Variants in GRM7 observed in about 807,000 individuals in gnomAD.
GRM7 encodes the protein metabotropic glutamate receptor 7.
Under a neutral mutation model 84.5 loss-of-function variants are expected in GRM7, and 35 were observed. The observed-to-expected ratio is 0.41, with a 90% CI of 0.32 to 0.55. GRM7 has a LOEUF of 0.55. Among genes scored for constraint, GRM7 ranks in the 20% least tolerant of loss-of-function variants. The pLI, the probability that GRM7 is intolerant of heterozygous loss-of-function variation, is 0.19. For synonymous variants in GRM7, 487 were observed against 455.1 expected (o/e 1.07, Z -0.89); for missense variants, 1,003 against 1,194.6 (o/e 0.84, Z 2.36).
intron 9 of GRM7, among the ~76,000 whole-genome samples, chr3:7,718,274 A>T (rs1701833592): frequency 6.6e-6 from 1 of 152,192 alleles, no homozygotes; most frequent in African/African-American, 2.4e-5. Context: ...TTCATCAACC[A>T]TGCAATATAA....
intron 2 of GRM7, among the ~76,000 whole-genome samples, chr3:7,173,634 A>G (rs1695055086): frequency 6.6e-6 from 1 of 152,114 alleles, no homozygotes; most frequent in Non-Finnish European, 1.5e-5. Flanking sequence ...TTCCTCAAAT[A>G]CATGCTGATG....
chr3:7,655,458 C>T (rs1272947066), intron 8 of GRM7, among the ~76,000 whole-genome samples: 4 of 152,130 alleles, frequency 2.6e-5, no homozygotes, highest in South Asian at 4.1e-4. Context: ...ACCATGAATC[C>T]AAATCATATC....
intron 9 of GRM7, among the ~76,000 whole-genome samples, chr3:7,723,904 T>G (rs192541389): frequency 6.6e-6 from 1 of 152,190 alleles, no homozygotes; most frequent in East Asian, 1.9e-4. Flanking sequence ...CTAAAATAAT[T>G]TAAGTAGTCT....
chr3:7,713,520 G>A (rs1420129787), intron 9 of GRM7, among the ~76,000 whole-genome samples: 3 of 151,926 alleles, frequency 2.0e-5, no homozygotes, highest in South Asian at 2.1e-4. Flanking sequence ...TTAAGAGTTC[G>A]GAGCTCTAGA....
intron 2 of GRM7, among the ~76,000 whole-genome samples, chr3:7,191,394 A>T (rs1028155): frequency 0.35 from 52,924 of 151,846 alleles, 9,659 homozygotes; most frequent in African/African-American, 0.45. Flanking sequence ...CATCACCGTT[A>T]GTAGAAATCC....
At chr3:7,065,766 T>C (rs1314651503) in intron 1 of GRM7, among the ~76,000 whole-genome samples, 1 of 151,890 alleles carries the variant, frequency 6.6e-6, no homozygotes, top group Non-Finnish European at 1.5e-5. Flanking sequence ...ATTGAATTTG[T>C]AGATCACTTT....
At chr3:7,455,283 T>A (rs1441558019) in intron 6 of GRM7, among the ~76,000 whole-genome samples, 1 of 152,198 alleles carries the variant, frequency 6.6e-6, no homozygotes, top group African/African-American at 2.4e-5. Context: ...AGTAGTAATT[T>A]TTTTAGGCAA....
At chr3:6,884,041 C>T (rs546718884) in intron 1 of GRM7, among the ~76,000 whole-genome samples, 2 of 152,310 alleles carry the variant, frequency 1.3e-5, no homozygotes, top group Admixed American at 6.5e-5. Context: ...AGTGAGATGA[C>T]ATTTAGTCCT....
chr3:7,427,724 C>A (rs546596032), intron 5 of GRM7, among the ~76,000 whole-genome samples: 1 of 152,140 alleles, frequency 6.6e-6, no homozygotes, highest in African/African-American at 2.4e-5. Flanking sequence ...AGGTAAAACC[C>A]CAATTGATCT....
chr3:7,572,702 G>A (rs1694733565), intron 7 of GRM7, among the ~76,000 whole-genome samples: 2 of 149,850 alleles, frequency 1.3e-5, no homozygotes, highest in African/African-American at 4.9e-5. Context: ...GGTGCCTGTA[G>A]TCCTAGCTAC....
intron 1 of GRM7, among the ~76,000 whole-genome samples, chr3:6,870,394 G>T (rs558149686): frequency 1.2e-3 from 179 of 152,316 alleles, no homozygotes; most frequent in African/African-American, 4.2e-3. Flanking sequence ...GGCCTGGCAT[G>T]TTAGAAGAAT....
intron 9 of GRM7, among the ~76,000 whole-genome samples, chr3:7,724,315 C>T (rs1575671535): frequency 6.6e-6 from 1 of 152,266 alleles, no homozygotes; most frequent in East Asian, 1.9e-4. Flanking sequence ...CAGCCATAAC[C>T]GATTTCTAGT....
At chr3:7,029,329 A>C (rs60841253) in intron 1 of GRM7, among the ~76,000 whole-genome samples, 1 of 113,734 alleles carries the variant, frequency 8.8e-6, no homozygotes, top group Non-Finnish European at 2.0e-5. Flanking sequence ...AAAAAAAAAC[A>C]AACAAAAAAA....
intron 1 of GRM7, among the ~76,000 whole-genome samples, chr3:6,986,484 T>A (rs1402794361): frequency 2.0e-5 from 3 of 152,212 alleles, no homozygotes; most frequent in Non-Finnish European, 4.4e-5. Flanking sequence ...TAGTTCCAGT[T>A]CTACATCTTG....
At chr3:7,057,438 T>C (rs1697268646) in intron 1 of GRM7, among the ~76,000 whole-genome samples, 2 of 152,086 alleles carry the variant, frequency 1.3e-5, no homozygotes, top group Non-Finnish European at 2.9e-5. Context: ...CATCTTCTTA[T>C]GTTATTTTAC....
chr3:6,979,480 T>C (rs548227772), intron 1 of GRM7, among the ~76,000 whole-genome samples: 21 of 152,262 alleles, frequency 1.4e-4, no homozygotes, highest in Non-Finnish European at 2.4e-4. Flanking sequence ...CTCATGGCAA[T>C]CATAGTAATG....
intron 4 of GRM7, among the ~76,000 whole-genome samples, chr3:7,380,023 T>G (rs1015311811): frequency 5.3e-5 from 8 of 152,184 alleles, no homozygotes; most frequent in Admixed American, 5.2e-4. Flanking sequence ...TTTTTGTTGG[T>G]TCTACTCCAT....
At chr3:7,219,076 G>T (rs1375082088) in intron 2 of GRM7, among the ~76,000 whole-genome samples, 2 of 152,058 alleles carry the variant, frequency 1.3e-5, no homozygotes, top group Non-Finnish European at 2.9e-5. Context: ...ATATGTATAA[G>T]GTCACACAGG....
intron 2 of GRM7, among the ~76,000 whole-genome samples, chr3:7,271,551 A>T (rs756568926): frequency 8.8e-5 from 11 of 125,546 alleles, no homozygotes; most frequent in African/African-American, 3.2e-4. Flanking sequence ...AGAGTGAGAG[A>T]CCGCCTCAAA....
Sources: gnomAD v4.1 joint callset for allele counts (sites outside exome capture counted in the v4.1 genomes callset) on GRCh38, gnomAD v4.1.1 for gene constraint, MANE v1.5 for transcripts, NCBI Gene and HGNC (gene_info 2026-07-23, HGNC 2026-07-21) for gene names.